Variants in SCP2 observed in about 807,000 individuals in gnomAD.
SCP2 encodes sterol carrier protein 2.
Under a neutral mutation model 71.4 loss-of-function variants are expected in SCP2, and 48 were observed. The ratio of observed to expected loss-of-function variants is 0.67; its 90% confidence interval spans 0.53 to 0.86. The LOEUF (loss-of-function observed/expected upper bound fraction) is 0.86. Ranked by LOEUF, SCP2 falls within the 40% of genes least tolerant of loss-of-function variation. SCP2 has a pLI of 0.00. For synonymous variants in SCP2, 220 were observed against 218.1 expected (o/e 1.01, Z -0.08); for missense variants, 560 against 655.6 (o/e 0.85, Z 1.59).
At chr1:53,045,490 T>C (rs1363876864) in intron 14 of SCP2, among the ~76,000 whole-genome samples, 2 of 152,156 alleles carry the variant, frequency 1.3e-5, no homozygotes, top group African/African-American at 4.8e-5. Context: ...ATGAATAAAG[T>C]TGTTATGAAT....
At chr1:53,039,490 C>A (rs948374743) in intron 14 of SCP2, among the ~76,000 whole-genome samples, 7 of 152,204 alleles carry the variant, frequency 4.6e-5, no homozygotes, top group Non-Finnish European at 7.3e-5. Flanking sequence ...TCACAATCGC[C>A]AGTTATTCTT....
At chr1:53,026,008 T>G (rs1028970457) in intron 12 of SCP2, among the ~76,000 whole-genome samples, 2 of 152,236 alleles carry the variant, frequency 1.3e-5, no homozygotes, top group African/African-American at 4.8e-5. Flanking sequence ...TCAGGATCTT[T>G]GCAGTTTCCT....
intron 5 of SCP2, among the ~76,000 whole-genome samples, chr1:52,959,198 ATT>A (rs78875186): frequency 6.8e-6 from 1 of 146,902 alleles, no homozygotes; most frequent in Non-Finnish European, 1.5e-5. Flanking sequence ...TTTAAAAAAA[ATT>A]TTTTTTTTTT....
intron 3 of SCP2, among the ~76,000 whole-genome samples, chr1:52,948,859 A>G (rs551396110): frequency 5.3e-5 from 8 of 152,224 alleles, no homozygotes; most frequent in African/African-American, 1.7e-4. Context: ...CCCATGCTGT[A>G]CGTTAGATCC....
chr1:52,990,531 A>G (rs984184068), intron 11 of SCP2, among the ~76,000 whole-genome samples: 2 of 152,000 alleles, frequency 1.3e-5, no homozygotes, highest in African/African-American at 4.8e-5. Context: ...TCAGGAGATC[A>G]AGACCATCCT....
chr1:52,940,906 T>G (rs1654173013), intron 1 of SCP2, among the ~76,000 whole-genome samples: 1 of 152,250 alleles, frequency 6.6e-6, no homozygotes, highest in African/African-American at 2.4e-5. Context: ...TATACCGCCA[T>G]GCCTGGCTAA....
At position 53,050,816 on chromosome 1, in the gene SCP2, T is replaced by C. The variant is rs866144269; in HGVS notation, c.*112T>C. 1.5e-5 allele frequency: 12 copies of C among 812,672 alleles called. No homozygotes were observed. The highest frequency in any genetic ancestry group is 4.5e-4 in the Middle Eastern group (2 of 4,424). 50.3% of individuals were successfully genotyped at this position (812,672 alleles called of 1,614,324 possible). A position where few individuals can be genotyped will look rare whatever the true frequency, so the allele number is the denominator to read the frequency against. On this transcript the variant is annotated 3_prime_UTR_variant, in exon 16 of 16. Transcript: ENST00000371514. Reference sequence around the variant, plus strand: ...CTACACATTGGCAAATAGCGTGGGATAGATTTGTTTCTTAATGGGTGTGAC... The same window carrying C: ...CTACACATTGGCAAATAGCGTGGGACAGATTTGTTTCTTAATGGGTGTGAC...
chr1:53,035,581 A>G (rs574572774), intron 13 of SCP2, among the ~76,000 whole-genome samples: 2 of 151,312 alleles, frequency 1.3e-5, no homozygotes, highest in African/African-American at 2.4e-5. Context: ...AAGTACATAT[A>G]AAGGAAAATG....
intron 11 of SCP2, among the ~76,000 whole-genome samples, chr1:52,991,189 G>A (rs948069513): frequency 2.0e-5 from 3 of 152,078 alleles, no homozygotes; most frequent in Admixed American, 2.0e-4. Context: ...CTATAAAATG[G>A]GAATATAGTA....
intron 13 of SCP2, among the ~76,000 whole-genome samples, chr1:53,036,814 T>A: frequency 6.6e-6 from 1 of 152,078 alleles, no homozygotes; most frequent in East Asian, 1.9e-4. Context: ...TGCATATATA[T>A]GTACCAAAAA....
At chr1:52,998,500 G>A (rs1660087382) in intron 11 of SCP2, among the ~76,000 whole-genome samples, 1 of 152,160 alleles carries the variant, frequency 6.6e-6, no homozygotes, top group African/African-American at 2.4e-5. Flanking sequence ...AGAGGCCGAG[G>A]TAGGGGGATT....
In SCP2 at chr1:52,950,897, CT is replaced by C. The variant is rs756258667; in HGVS notation, c.331+13del. 58 of 1,613,024 alleles carry C rather than the reference CT, an allele frequency of 3.6e-5. No individual in the cohort carries two copies. Among genetic ancestry groups the C allele is most frequent in the Non-Finnish European group, 4.8e-5 (57 of 1,179,116 alleles). Reference sequence around the variant, plus strand: ...AGCTGATTCAGGGTGGTAAGGAGTGCTTGTCTAGTGTACTTAAATATTGCCC... The same window carrying C: ...AGCTGATTCAGGGTGGTAAGGAGTGCTGTCTAGTGTACTTAAATATTGCCC... On this transcript the variant is annotated intron_variant, in intron 4 of 15. Coordinates refer to ENST00000371514, the MANE Select transcript of SCP2 (RefSeq NM_002979.5).
At chr1:53,003,807 G>A (rs1465188871) in intron 11 of SCP2, among the ~76,000 whole-genome samples, 1 of 152,272 alleles carries the variant, frequency 6.6e-6, no homozygotes, top group East Asian at 1.9e-4. Context: ...GATTACAGGC[G>A]TGAGTCACCA....
chr1:52,956,037 C>T (rs751981460), intron 5 of SCP2, among the ~76,000 whole-genome samples: 7 of 151,968 alleles, frequency 4.6e-5, no homozygotes, highest in Non-Finnish European at 1.0e-4. Flanking sequence ...TAAAAATTCA[C>T]TCATGCCTGT....
chr1:52,994,669 T>G lies in SCP2; in HGVS notation c.1081+6533T>G, dbSNP rs183970945. ...ACTAGCAGAGAAAAAAAGTTACATA[T>G]TTTCTTGCCCCATGCATACCTTGAG... is the stretch of plus-strand genomic sequence containing the variant. On this transcript the variant is annotated intron_variant, in intron 11 of 15. Transcript: ENST00000371514. The G allele has an allele frequency of 2.0e-3, 1,117 of 554,986 alleles. 9 individuals carry two copies. Among genetic ancestry groups the G allele is most frequent in the South Asian group, 5.8e-3 (353 of 60,652 alleles). 34.4% of individuals were successfully genotyped at this position (554,986 alleles called of 1,614,324 possible).
intron 11 of SCP2, chr1:52,993,430 A>T: frequency 6.2e-7 from 1 of 1,614,118 alleles, no homozygotes; most frequent in Non-Finnish European, 8.5e-7. Context: ...GATCTGCTTT[A>T]TTACCAATTA....
rs779615134 is a variant in SCP2, at chr1:52,961,532, G to A, written c.426G>A (p.Lys142=). Residue 142 remains lysine (K), a synonymous_variant, in exon 6 of 16, where the codon AAG becomes AAA. Coordinates refer to ENST00000371514, the MANE Select transcript of SCP2 (RefSeq NM_002979.5). ...CAGATAGAACCATTCCCACTGATAA[G>A]CATGTTGACCTCCTGATCAATAAGT... The part of the protein sequence containing the change: ...KFSDRTIPTD[K]HVDLLINKYG... The A allele has an allele frequency of 1.2e-6, 2 of 1,613,756 alleles. No individual in the cohort carries two copies. The highest frequency in any genetic ancestry group is 1.3e-5 in the African/African-American group (1 of 74,908).
At chr1:52,955,930 G>A (rs377495138) in intron 5 of SCP2, among the ~76,000 whole-genome samples, 5 of 151,106 alleles carry the variant, frequency 3.3e-5, no homozygotes, top group African/African-American at 7.3e-5. Context: ...CTTGGGAACC[G>A]CTTTAGGCTA....
chr1:53,033,645 A>T (rs980826620), intron 13 of SCP2, among the ~76,000 whole-genome samples: 20 of 150,848 alleles, frequency 1.3e-4, no homozygotes, highest in African/African-American at 4.6e-4. Context: ...ACCCAGTAGG[A>T]TGACTAAAAT....
Sources: allele counts gnomAD v4.1 joint callset (sites outside exome capture counted in the v4.1 genomes callset), GRCh38; gene constraint gnomAD v4.1.1; transcripts MANE v1.5; gene names NCBI Gene and HGNC (gene_info 2026-07-23, HGNC 2026-07-21).